The following RALGAPA2 variants were observed in gnomAD, a reference collection of about 807,000 sequenced individuals.
RALGAPA2 encodes ral GTPase-activating protein subunit alpha-2.
A neutral mutation model predicts 230.4 loss-of-function variants in RALGAPA2; 139 were observed. The ratio of observed to expected loss-of-function variants is 0.60; its 90% CI spans 0.53 to 0.69. The LOEUF (loss-of-function observed/expected upper bound fraction) is 0.69, where lower values mean the gene tolerates loss of function less well. RALGAPA2 is among the 30% of genes least tolerant of loss of function. RALGAPA2 has a pLI of 0.00. For missense variants in RALGAPA2, 2,163 were observed against 2,276.0 expected (o/e 0.95, Z 1.01); for synonymous variants, 847 against 837.8 (o/e 1.01, Z -0.19).
intron 24 of RALGAPA2, among the ~76,000 whole-genome samples, chr20:20,539,862 A>G (rs1304180118): frequency 2.6e-5 from 4 of 152,196 alleles, no homozygotes; most frequent in Non-Finnish European, 5.9e-5. Context: ...GACACCACAC[A>G]GTATTTATCT....
chr20:20,438,468 T>C (rs756500766), intron 37 of RALGAPA2, among the ~76,000 whole-genome samples: 1 of 152,192 alleles, frequency 6.6e-6, no homozygotes, highest in Non-Finnish European at 1.5e-5. Flanking sequence ...ACAAAGAAGG[T>C]TGAGAGATTG....
chr20:20,513,543 C>T (rs2062779582), intron 31 of RALGAPA2, among the ~76,000 whole-genome samples: 2 of 152,044 alleles, frequency 1.3e-5, no homozygotes, highest in African/African-American at 4.8e-5. Context: ...GGCAAACAGC[C>T]CTTGTGATGG....
chr20:20,538,340 A>G (rs1404176290), intron 24 of RALGAPA2, among the ~76,000 whole-genome samples: 1 of 152,198 alleles, frequency 6.6e-6, no homozygotes, highest in Non-Finnish European at 1.5e-5. Flanking sequence ...GAGAGTAGAA[A>G]TCAGGCAGGC....
intron 38 of RALGAPA2, among the ~76,000 whole-genome samples, chr20:20,402,074 C>T (rs2059853742): frequency 6.6e-6 from 1 of 152,134 alleles, no homozygotes; most frequent in Non-Finnish European, 1.5e-5. Flanking sequence ...GGAGAGGCAG[C>T]GGGGCTGTAG....
chr20:20,452,141 T>C (rs2061001369), intron 37 of RALGAPA2, among the ~76,000 whole-genome samples: 3 of 152,214 alleles, frequency 2.0e-5, no homozygotes, highest in Non-Finnish European at 4.4e-5. Context: ...AAATTGAAAG[T>C]TAAAGCTTAA....
chr20:20,527,382 C>G (rs1163568839), intron 27 of RALGAPA2, among the ~76,000 whole-genome samples: 1 of 152,180 alleles, frequency 6.6e-6, no homozygotes, highest in African/African-American at 2.4e-5. Context: ...CTTCTCTGGC[C>G]ACAGAGACCT....
intron 23 of RALGAPA2, among the ~76,000 whole-genome samples, chr20:20,569,104 A>G (rs2064541989): frequency 6.6e-6 from 1 of 152,228 alleles, no homozygotes; most frequent in Admixed American, 6.5e-5. Context: ...TTAATATAAC[A>G]TGTGTTTCCA....
chr20:20,559,742 A>T (rs1175499544), intron 23 of RALGAPA2, among the ~76,000 whole-genome samples: 1 of 152,148 alleles, frequency 6.6e-6, no homozygotes, highest in Non-Finnish European at 1.5e-5. Context: ...GGCTTTAAAG[A>T]TAAAATTCCA....
chr20:20,503,733 C>T (rs1451010401), intron 34 of RALGAPA2, among the ~76,000 whole-genome samples: 1 of 152,114 alleles, frequency 6.6e-6, no homozygotes, highest in Non-Finnish European at 1.5e-5. Flanking sequence ...AAAACCACTA[C>T]CAAACTTTTG....
intron 37 of RALGAPA2, among the ~76,000 whole-genome samples, chr20:20,413,921 A>G (rs1203176168): frequency 6.6e-6 from 1 of 152,222 alleles, no homozygotes; most frequent in Non-Finnish European, 1.5e-5. Context: ...CTCAGGCCCA[A>G]TTCTAGAGGG....
chr20:20,612,077 G>A (rs2065993195), intron 13 of RALGAPA2, among the ~76,000 whole-genome samples: 1 of 152,176 alleles, frequency 6.6e-6, no homozygotes, highest in South Asian at 2.1e-4. Flanking sequence ...CTTACAGAAG[G>A]TTTATGTAAA....
intron 14 of RALGAPA2, among the ~76,000 whole-genome samples, chr20:20,610,343 G>A (rs6137075): frequency 6.6e-6 from 1 of 152,120 alleles, no homozygotes; most frequent in South Asian, 2.1e-4. Flanking sequence ...CATCACAGTA[G>A]GCTGCCATGC....
intron 33 of RALGAPA2, among the ~76,000 whole-genome samples, chr20:20,510,549 T>C (rs952973130): frequency 1.3e-5 from 2 of 152,028 alleles, no homozygotes; most frequent in African/African-American, 4.8e-5. Flanking sequence ...TAGAGTTTTT[T>C]AAAAAACTAA....
intron 3 of RALGAPA2, among the ~76,000 whole-genome samples, chr20:20,665,594 CTCCTT>C (rs2067933742): frequency 6.6e-6 from 1 of 152,198 alleles, no homozygotes; most frequent in Non-Finnish European, 1.5e-5. Context: ...TTGAAACTGA[CTCCTT>C]TCAACTCAAA....
intron 4 of RALGAPA2, among the ~76,000 whole-genome samples, chr20:20,645,180 T>C (rs1016791809): frequency 5.7e-5 from 8 of 141,250 alleles, no homozygotes; most frequent in African/African-American, 2.1e-4. Context: ...AGTGGTACGA[T>C]CTCGGCTCAC....
chr20:20,522,691 A>C (rs1243596807), intron 30 of RALGAPA2, among the ~76,000 whole-genome samples: 1 of 152,218 alleles, frequency 6.6e-6, no homozygotes, highest in Non-Finnish European at 1.5e-5. Context: ...AGACTGATGC[A>C]GTTTTCTGGA....
Position 20,563,206 on chromosome 20 carries a change from T to C in RALGAPA2, c.3156+8252A>G, listed in dbSNP as rs189262908. On this transcript the variant is annotated intron_variant, in intron 23 of 39. Coordinates refer to ENST00000202677, the MANE Select transcript of RALGAPA2 (RefSeq NM_020343.4). ...AAGTCAAACTTGGAAGTTTTGTTTA[T>C]TGCTACAGTAAACTCCCCTTATATT... 4.9e-4 allele frequency among the ~76,000 whole-genome samples: 75 copies of C among 152,368 alleles called. No homozygotes were observed. In the East Asian group the frequency reaches 0.013, roughly 26 times the overall value.
At chr20:20,646,504 A>G (rs1477966340) in intron 4 of RALGAPA2, among the ~76,000 whole-genome samples, 1 of 152,174 alleles carries the variant, frequency 6.6e-6, no homozygotes, top group African/African-American at 2.4e-5. Context: ...TGCCTTGACC[A>G]TGGGAATAAC....
Position 20,524,907 on chromosome 20 carries a change from A to G in RALGAPA2, c.3694-9T>C. ...ACTGTGGCCACGAGGATCTGCATAA[A>G]AGATAAATCCCCAATCAAACAGACC... On this transcript the variant is annotated splice_polypyrimidine_tract_variant and intron_variant, in intron 28 of 39. Transcript: ENST00000202677. The G allele has an allele frequency of 6.3e-7, 1 of 1,599,628 alleles. No homozygotes were observed. Among genetic ancestry groups the G allele is most frequent in the South Asian group, 1.1e-5 (1 of 88,116 alleles).
Sources: gnomAD v4.1 joint callset for allele counts (sites outside exome capture counted in the v4.1 genomes callset) on GRCh38, gnomAD v4.1.1 for gene constraint, MANE v1.5 for transcripts, NCBI Gene and HGNC (gene_info 2026-07-23, HGNC 2026-07-21) for gene names.